C1orf185: variants seen among roughly 807,000 people sequenced by gnomAD.
C1orf185 encodes the protein uncharacterized protein C1orf185.
C1orf185 carries 13 observed loss-of-function variants against 16.1 expected under a neutral mutation model. The observed-to-expected ratio is 0.81, with a 90% CI of 0.53 to 1.28. C1orf185 has a LOEUF of 1.28. C1orf185 is among the 50% of genes most tolerant of loss of function. The pLI is 0.00. For missense variants in C1orf185, 220 were observed against 225.2 expected, an observed-to-expected ratio of 0.98 and a Z score of 0.15; for synonymous variants, 80 against 76.9, an observed-to-expected ratio of 1.04 and a Z score of -0.21.
chr1:51,112,651 A>G, intron 2 of C1orf185, 82 bp downstream of exon 2: 1 of 1,239,968 alleles, frequency 8.1e-7, no homozygotes. Flanking sequence ...AAGTAAACTT[A>G]AATAACTATG....
chr1:51,144,193 T>G (rs1278242160), intron 3 of C1orf185, among the ~76,000 whole-genome samples: 1 of 152,162 alleles, frequency 6.6e-6, no homozygotes, highest in South Asian at 2.1e-4. Context: ...TAGGCGAGCC[T>G]ATTAGAAATG....
At chr1:51,127,173 C>G (rs920484718) in intron 3 of C1orf185, among the ~76,000 whole-genome samples, 2 of 152,148 alleles carry the variant, frequency 1.3e-5, no homozygotes, top group African/African-American at 4.8e-5. Context: ...TATATACATT[C>G]AACCAACACC....
At chr1:51,150,995 G>A (rs1646427355), downstream of C1orf185, among the ~76,000 whole-genome samples, 1 of 152,204 alleles carries the variant, frequency 6.6e-6, no homozygotes, top group Non-Finnish European at 1.5e-5. Context: ...GAACATCCTT[G>A]AAAAGATAGT....
chr1:51,134,911 C>T (rs1410082450), intron 3 of C1orf185, among the ~76,000 whole-genome samples: 2 of 152,130 alleles, frequency 1.3e-5, no homozygotes, highest in African/African-American at 2.4e-5. Context: ...CTGAACTCTA[C>T]CAGATGTGCA....
intron 3 of C1orf185, among the ~76,000 whole-genome samples, chr1:51,132,177 G>A (rs1421669062): frequency 6.6e-6 from 1 of 152,176 alleles, no homozygotes; most frequent in East Asian, 1.9e-4. Flanking sequence ...AATTCAAAAA[G>A]CCAGAGAGCC....
chr1:51,145,567 C>G (rs995345293), intron 3 of C1orf185, among the ~76,000 whole-genome samples, 157 bp from the exon 4 acceptor site: 6 of 151,804 alleles, frequency 4.0e-5, no homozygotes, highest in Non-Finnish European at 7.4e-5. Flanking sequence ...TCTTTTCTGT[C>G]AATATATTTT....
rs139382531 is a variant in C1orf185 at position 51,123,652 on chromosome 1, T to C, written c.258+4851T>C. On this transcript the variant is annotated intron_variant, in intron 3 of 4. Coordinates refer to ENST00000371759, the MANE Select transcript of C1orf185 (RefSeq NM_001136508.2). Reference sequence around the variant, plus strand: ...CCGCAATGCATGAGAGTTCCTGTTGTTCCCCATTCTCACCAGCATTTGTTG... The same window carrying C: ...CCGCAATGCATGAGAGTTCCTGTTGCTCCCCATTCTCACCAGCATTTGTTG... Among the ~76,000 whole-genome samples the C allele has an allele frequency of 3.6e-3, 542 of 152,322 alleles. 1 individual carries two copies. The highest frequency in any genetic ancestry group is 4.4e-3 in the Non-Finnish European group (298 of 68,018).
chr1:51,136,297 GA>G (rs201823261), intron 3 of C1orf185, among the ~76,000 whole-genome samples: 19 of 149,190 alleles, frequency 1.3e-4, no homozygotes, highest in African/African-American at 4.2e-4. Flanking sequence ...CATAGAACTA[GA>G]AAAAAAATCA....
At chr1:51,144,890 CT>C (rs1193748301) in intron 3 of C1orf185, among the ~76,000 whole-genome samples, 2 of 152,082 alleles carry the variant, frequency 1.3e-5, no homozygotes, top group Non-Finnish European at 2.9e-5. Flanking sequence ...ACGCTCTATG[CT>C]TTTGCCTATT....
At chr1:51,102,910 A>G (rs1646042217) in intron 1 of C1orf185, among the ~76,000 whole-genome samples, 1 of 152,104 alleles carries the variant, frequency 6.6e-6, no homozygotes, top group Non-Finnish European at 1.5e-5. Context: ...GTATTTATGC[A>G]TAGTATTTTC....
intron 3 of C1orf185, among the ~76,000 whole-genome samples, chr1:51,128,884 C>CTTTGT (rs1275573134): frequency 6.6e-6 from 1 of 151,196 alleles, no homozygotes; most frequent in Admixed American, 6.6e-5. Context: ...TTTTGTTTTG[C>CTTTGT]TTTGTTTTGT....
intron 1 of C1orf185, among the ~76,000 whole-genome samples, chr1:51,110,662 GC>G (rs1225674025): frequency 2.6e-5 from 4 of 152,130 alleles, no homozygotes; most frequent in Admixed American, 2.6e-4. Context: ...GTTCTATAAA[GC>G]CTCCTATGAA....
chr1:51,105,093 G>A (rs1646059494), intron 1 of C1orf185, among the ~76,000 whole-genome samples: 1 of 151,962 alleles, frequency 6.6e-6, no homozygotes, highest in South Asian at 2.1e-4. Flanking sequence ...AAGTAGCTGG[G>A]ATTACAGATA....
At chr1:51,148,830 G>A (rs141963827), downstream of C1orf185, among the ~76,000 whole-genome samples, 3,267 of 152,302 alleles carry the variant, frequency 0.021, 98 homozygotes, top group African/African-American at 0.073. Flanking sequence ...GGGAGGCTGA[G>A]GTGGGAGGAT....
At chr1:51,146,269 G>A (rs540602642) in intron 4 of C1orf185, among the ~76,000 whole-genome samples, 53 of 152,044 alleles carry the variant, frequency 3.5e-4, no homozygotes, top group African/African-American at 1.3e-3. Context: ...GACCAGCCTG[G>A]CCAATATGGT....
intron 4 of C1orf185, among the ~76,000 whole-genome samples, chr1:51,146,456 CAAA>C (rs966563093): frequency 1.5e-5 from 1 of 64,622 alleles, no homozygotes; most frequent in African/African-American, 5.8e-5. Flanking sequence ...AAGACTGTCT[CAAA>C]AAAAAAAAAA....
intron 2 of C1orf185, among the ~76,000 whole-genome samples, chr1:51,114,422 C>A (rs1197736143): frequency 2.6e-5 from 4 of 152,166 alleles, no homozygotes; most frequent in Non-Finnish European, 5.9e-5. Flanking sequence ...ATATTATCTC[C>A]ATTTTAAAGA....
At chr1:51,122,701 T>A (rs1646206443) in intron 3 of C1orf185, among the ~76,000 whole-genome samples, 1 of 152,198 alleles carries the variant, frequency 6.6e-6, no homozygotes, top group South Asian at 2.1e-4. Context: ...TCATACAGAA[T>A]GGTTTCATTA....
intron 1 of C1orf185, 93 bp downstream of exon 1, chr1:51,102,342 C>A: frequency 1.5e-6 from 1 of 683,076 alleles, no homozygotes; most frequent in Non-Finnish European, 2.7e-6. Flanking sequence ...TTTCTATTCT[C>A]TGGAAGAGCT....
Sources: gnomAD v4.1 joint callset for allele counts (sites outside exome capture counted in the v4.1 genomes callset) on GRCh38, gnomAD v4.1.1 for gene constraint, MANE v1.5 for transcripts, NCBI Gene and HGNC (gene_info 2026-07-23, HGNC 2026-07-21) for gene names.